NOS1AP: variants seen among roughly 807,000 people sequenced by gnomAD.
The protein encoded by NOS1AP is nitric oxide synthase 1 adaptor protein.
NOS1AP carries 21 observed loss-of-function variants against 56.2 expected under a neutral mutation model. The observed-to-expected ratio is 0.37, with a 90% CI of 0.26 to 0.54. The LOEUF is 0.54. Among genes scored for constraint, NOS1AP ranks in the 20% least tolerant of loss-of-function variants. The pLI is 0.84. For missense variants in NOS1AP, 522 were observed against 657.8 expected (o/e 0.79, Z 2.26); for synonymous variants, 270 against 274.6 (o/e 0.98, Z 0.17).
At chr1:162,228,998 T>C (rs1301052853) in intron 2 of NOS1AP, among the ~76,000 whole-genome samples, 1 of 152,218 alleles carries the variant, frequency 6.6e-6, no homozygotes, top group African/African-American at 2.4e-5. Context: ...GCCAGAGAAC[T>C]AGAGTCTCTT....
rs553595124 is a variant in NOS1AP, at chr1:162,182,459, A to T, written c.177+27983A>T. On this transcript the variant is annotated intron_variant, in intron 2 of 9. Coordinates refer to ENST00000361897, the MANE Select transcript of NOS1AP (RefSeq NM_014697.3). Reference sequence around the variant, plus strand: ...CCAGGGTGCTGGATGCTGAAGGTAGAGGTGGCTGTGTCAATTTCTTAAAAT... The same window carrying T: ...CCAGGGTGCTGGATGCTGAAGGTAGTGGTGGCTGTGTCAATTTCTTAAAAT... Among the ~76,000 whole-genome samples the T allele has an allele frequency of 3.3e-5, 5 of 152,368 alleles. No individual in the cohort carries two copies. The East Asian group carries it at 9.6e-4, about 29-fold the overall frequency.
chr1:162,231,563 CA>C (rs1653126462), intron 2 of NOS1AP, among the ~76,000 whole-genome samples: 1 of 151,990 alleles, frequency 6.6e-6, no homozygotes, highest in Admixed American at 6.6e-5. Flanking sequence ...TTAAAATATT[CA>C]ATATGTCATC....
At chr1:162,093,526 G>A (rs1329865612) in intron 1 of NOS1AP, among the ~76,000 whole-genome samples, 1 of 152,182 alleles carries the variant, frequency 6.6e-6, no homozygotes, top group Non-Finnish European at 1.5e-5. Context: ...GCTACATACA[G>A]TTTAGTGGAA....
At chr1:162,165,091 G>A (rs778054299) in intron 2 of NOS1AP, among the ~76,000 whole-genome samples, 1 of 152,100 alleles carries the variant, frequency 6.6e-6, no homozygotes, top group Non-Finnish European at 1.5e-5. Flanking sequence ...GGAGGCCAAG[G>A]CGAACAGATC....
chr1:162,198,106 A>G (rs1347574674), intron 2 of NOS1AP, among the ~76,000 whole-genome samples: 1 of 152,194 alleles, frequency 6.6e-6, no homozygotes, highest in Non-Finnish European at 1.5e-5. Flanking sequence ...TTCTAGGAGC[A>G]TGATGAGGGA....
intron 2 of NOS1AP, among the ~76,000 whole-genome samples, chr1:162,206,159 A>G (rs1652156728): frequency 6.6e-6 from 1 of 152,206 alleles, no homozygotes. Context: ...GCAGGGAGTA[A>G]TGTTCAGCAA....
At chr1:162,214,746 A>C (rs778426186) in intron 2 of NOS1AP, among the ~76,000 whole-genome samples, 1 of 152,158 alleles carries the variant, frequency 6.6e-6, no homozygotes, top group African/African-American at 2.4e-5. Context: ...TCACAGAACT[A>C]CTATTTGGCC....
chr1:162,323,445 A>G (rs773808330), intron 4 of NOS1AP, among the ~76,000 whole-genome samples: 8 of 152,242 alleles, frequency 5.3e-5, no homozygotes, highest in Non-Finnish European at 1.0e-4. Flanking sequence ...TACAGATACT[A>G]CTGGCTGTGT....
At chr1:162,244,220 A>G (rs1653586780) in intron 2 of NOS1AP, among the ~76,000 whole-genome samples, 1 of 152,086 alleles carries the variant, frequency 6.6e-6, no homozygotes, top group Non-Finnish European at 1.5e-5. Context: ...AGATCCCAAG[A>G]TTCTGCTTGA....
chr1:162,112,200 C>T (rs1647737531), intron 1 of NOS1AP, among the ~76,000 whole-genome samples: 1 of 152,224 alleles, frequency 6.6e-6, no homozygotes, highest in Non-Finnish European at 1.5e-5. Context: ...CTACCTCCCT[C>T]TCTGATGGTT....
In NOS1AP at chr1:162,342,512, G is replaced by A. The variant is rs779428263; in HGVS notation, c.454-1323G>A. 1.2e-4 allele frequency: 57 copies of A among 473,378 alleles called. 1 individual carries two copies. Among genetic ancestry groups the A allele is most frequent in the Non-Finnish European group, 1.3e-5 (3 of 227,970 alleles). 29.3% of individuals were successfully genotyped at this position (473,378 alleles called of 1,614,324 possible). ...GAATGGACTACAGCAGTTGTTCCAT[G>A]CACAGGGTTCCAAGGTCCCTAGGAG... is the stretch of plus-strand genomic sequence containing the variant. On this transcript the variant is annotated intron_variant, in intron 5 of 9. Coordinates refer to ENST00000361897, the MANE Select transcript of NOS1AP (RefSeq NM_014697.3).
At chr1:162,104,530 C>T (rs1647423838) in intron 1 of NOS1AP, among the ~76,000 whole-genome samples, 1 of 151,712 alleles carries the variant, frequency 6.6e-6, no homozygotes, top group South Asian at 2.1e-4. Context: ...TTTTTCCCAT[C>T]TCTTAAAGGT....
rs192171802 is a variant in NOS1AP at position 162,323,947 on chromosome 1, C to T, written c.345-9070C>T. ...TTATTTTGCACTGGGAAGATTTTGC[C>T]TAATGCCTCTCTGCATATAACACTT... On this transcript the variant is annotated intron_variant, in intron 4 of 9. Transcript: ENST00000361897. Among the ~76,000 whole-genome samples the T allele has an allele frequency of 1.2e-3, 181 of 152,268 alleles. 1 individual carries two copies. The highest frequency in any genetic ancestry group is 4.1e-3 in the African/African-American group (172 of 41,558).
At chr1:162,327,014 C>G (rs1356254690) in intron 4 of NOS1AP, among the ~76,000 whole-genome samples, 1 of 152,130 alleles carries the variant, frequency 6.6e-6, no homozygotes, top group Non-Finnish European at 1.5e-5. Flanking sequence ...ATATGGAAAG[C>G]AGAGCTTAAA....
intron 1 of NOS1AP, among the ~76,000 whole-genome samples, chr1:162,084,759 G>T (rs567843671): frequency 6.6e-6 from 1 of 152,018 alleles, no homozygotes; most frequent in Non-Finnish European, 1.5e-5. Flanking sequence ...GCTCACTGAT[G>T]AAGCCTCAAC....
intron 1 of NOS1AP, among the ~76,000 whole-genome samples, chr1:162,142,776 C>A (rs544136661): frequency 5.3e-5 from 8 of 152,090 alleles, no homozygotes; most frequent in African/African-American, 9.7e-5. Context: ...CTTGCAGGGT[C>A]GTTGCTGACT....
chr1:162,089,273 C>T (rs554427395), intron 1 of NOS1AP, among the ~76,000 whole-genome samples: 1 of 152,250 alleles, frequency 6.6e-6, no homozygotes, highest in African/African-American at 2.4e-5. Flanking sequence ...ATCTTTTGTC[C>T]ACACTGAGAA....
rs114282114 is a variant in NOS1AP at position 162,357,742 on chromosome 1, C to G, written c.939+606C>G. Among the ~76,000 whole-genome samples the G allele has an allele frequency of 3.8e-3, 573 of 152,086 alleles. 12 individuals carry two copies. Among genetic ancestry groups the G allele is most frequent in the Admixed American group, 6.7e-3 (102 of 15,276 alleles). ...CATAATGAAAAGAATTGGCTTAGAT[C>G]TCAGAATCAAGGTGGTGTTTGTACC... On this transcript the variant is annotated intron_variant, in intron 8 of 9. Transcript: ENST00000361897.
intron 2 of NOS1AP, among the ~76,000 whole-genome samples, chr1:162,155,342 G>GTGTGTATATATGTA (rs1347167483): frequency 7.3e-6 from 1 of 137,448 alleles, no homozygotes; most frequent in Non-Finnish European, 1.6e-5. Flanking sequence ...ATGTATGTAT[G>GTGTGTATATATGTA]TGTGTATATA....
Sources: gnomAD v4.1 joint callset for allele counts (sites outside exome capture counted in the v4.1 genomes callset) on GRCh38, gnomAD v4.1.1 for gene constraint, MANE v1.5 for transcripts, NCBI Gene and HGNC (gene_info 2026-07-23, HGNC 2026-07-21) for gene names.